The following TP53BP1 variants were observed in gnomAD, a reference collection of about 807,000 sequenced individuals.
The protein encoded by TP53BP1 is tumor protein p53 binding protein 1, also known as TP53-binding protein 1.
Under a neutral mutation model 200.8 loss-of-function variants are expected in TP53BP1, and 61 were observed. The observed-to-expected ratio is 0.30, with a 90% confidence interval of 0.25 to 0.38. The LOEUF is 0.38. Ranked by LOEUF, TP53BP1 falls within the 10% of genes least tolerant of loss-of-function variation. TP53BP1 has a pLI of 1.00. For synonymous variants in TP53BP1, 822 were observed against 844.3 expected, an observed-to-expected ratio of 0.97 and a Z score of 0.46; for missense variants, 2,144 against 2,371.9, an observed-to-expected ratio of 0.90 and a Z score of 2.00.
At position 43,481,956 on chromosome 15, in the gene TP53BP1, G is replaced by A. The variant is rs369097049; in HGVS notation, c.372-934C>T. Among the ~76,000 whole-genome samples the A allele has an allele frequency of 2.1e-3, 320 of 150,370 alleles. 2 individuals are homozygous for A. The highest frequency in any genetic ancestry group is 7.2e-3 in the African/African-American group (297 of 41,072). On this transcript the variant is annotated intron_variant, in intron 4 of 27. Coordinates refer to ENST00000382044, the MANE Select transcript of TP53BP1 (RefSeq NM_001141980.3). The stretch of plus-strand genomic sequence containing the variant: ...AAATAAGTTAACACCGACCAGGCAC[G>A]GTGGCTCACGCCTGTAATCCCAGCA...
chr15:43,464,646 G>A (rs1028603453), intron 11 of TP53BP1, among the ~76,000 whole-genome samples: 1 of 152,142 alleles, frequency 6.6e-6, no homozygotes, highest in Admixed American at 6.5e-5. Flanking sequence ...GCTCATGCCT[G>A]TAATCCCAGC....
At chr15:43,486,389 CAAAT>C (rs922928863) in intron 4 of TP53BP1, among the ~76,000 whole-genome samples, 9 of 151,940 alleles carry the variant, frequency 5.9e-5, no homozygotes, top group Admixed American at 3.3e-4. Flanking sequence ...ATAAAACAAA[CAAAT>C]AAACAAAAAT....
In TP53BP1 at chr15:43,435,610, G is replaced by A. The variant is rs574723995; in HGVS notation, c.3191+2714C>T. 1.5e-4 allele frequency among the ~76,000 whole-genome samples: 23 copies of A among 152,080 alleles called. No individual in the cohort carries two copies. In the East Asian group the frequency reaches 4.4e-3, roughly 29 times the overall value. On this transcript the variant is annotated intron_variant, in intron 16 of 27. Transcript: ENST00000382044. ...CAACAAGCTCACACTTATTCAGAATGCCCATTTAATGCACTGACATATTTA... is the reference window on the plus strand; with the variant it reads ...CAACAAGCTCACACTTATTCAGAATACCCATTTAATGCACTGACATATTTA...
In TP53BP1 at chr15:43,415,816, C is replaced by T. The variant is rs1265621825; in HGVS notation, c.4874-7G>A. 14 of 1,612,590 alleles carry T rather than the reference C, an allele frequency of 8.7e-6. No homozygotes were observed. Among genetic ancestry groups the T allele is most frequent in the Admixed American group, 3.3e-5 (2 of 59,966 alleles). ...TTCCCTTCCACCAAATTGTCTATGG[C>T]AGGATAAGCCAAACAGGTTGGTCAA... On this transcript the variant is annotated splice_polypyrimidine_tract_variant and splice_region_variant and intron_variant, in intron 22 of 27. Coordinates refer to ENST00000382044, the MANE Select transcript of TP53BP1 (RefSeq NM_001141980.3).
chr15:43,469,391 C>T (rs1274683533), intron 11 of TP53BP1, among the ~76,000 whole-genome samples: 1 of 151,954 alleles, frequency 6.6e-6, no homozygotes, highest in Non-Finnish European at 1.5e-5. Flanking sequence ...ATTATTACGA[C>T]ACAACATTAA....
intron 7 of TP53BP1, among the ~76,000 whole-genome samples, chr15:43,478,720 G>T (rs990525886): frequency 6.6e-6 from 1 of 152,162 alleles, no homozygotes; most frequent in East Asian, 1.9e-4. Flanking sequence ...GGATACCTAA[G>T]AACCCAAAGC....
intron 11 of TP53BP1, among the ~76,000 whole-genome samples, chr15:43,467,711 T>C (rs1381877495): frequency 2.6e-5 from 4 of 152,102 alleles, no homozygotes; most frequent in Non-Finnish European, 4.4e-5. Context: ...TAAACATCTG[T>C]AACCATTTTC....
In TP53BP1 at chr15:43,457,614, G is replaced by GT. The variant is rs527526263; in HGVS notation, c.1390-397dup. Among the ~76,000 whole-genome samples the GT allele has an allele frequency of 1.1e-3, 138 of 122,838 alleles. 2 individuals are homozygous for GT. The highest frequency in any genetic ancestry group is 8.7e-3 in the East Asian group (32 of 3,696). 80.6% of individuals were successfully genotyped at this position (122,838 alleles called of 152,430 possible). ...TTGAACCTTGGAGGCGGAGGTTGCA[G>GT]TAAGCCGAGATTGCACCACTGCACT... On this transcript the variant is annotated intron_variant, in intron 11 of 27. Transcript: ENST00000382044.
intron 10 of TP53BP1, among the ~76,000 whole-genome samples, chr15:43,471,471 G>A (rs1005753453): frequency 7.9e-5 from 12 of 151,788 alleles, no homozygotes; most frequent in African/African-American, 2.9e-4. Context: ...CTGTTGTCCA[G>A]GCTGCGACGC....
In TP53BP1 at chr15:43,474,616, GAA is replaced by G; in HGVS notation, c.1180+55_1180+56del. ...AAGAAGTAGTACATTTTGCAAGGCA[GAA>G]AAAGTGTTGCTCCTCTTCTAATCTG... On this transcript the variant is annotated intron_variant, in intron 10 of 27. Coordinates refer to ENST00000382044, the MANE Select transcript of TP53BP1 (RefSeq NM_001141980.3). 3 of 1,267,736 alleles carry G rather than the reference GAA, an allele frequency of 2.4e-6. No individual in the cohort carries two copies. The South Asian group carries it at 3.8e-5, about 16-fold the overall frequency. The allele number at this position is 1,267,736 out of a possible 1,614,324, so 78.5% of individuals were successfully genotyped here. A position where few individuals can be genotyped will look rare whatever the true frequency, so the allele number is the denominator to read the frequency against.
chr15:43,491,223 G>A (rs1439279733), intron 4 of TP53BP1, among the ~76,000 whole-genome samples: 1 of 152,022 alleles, frequency 6.6e-6, no homozygotes, highest in Non-Finnish European at 1.5e-5. Context: ...TGGGATTACA[G>A]GCACGCACCA....
At chr15:43,407,793 T>C in intron 27 of TP53BP1, 150 bp downstream of exon 27, 3 of 850,856 alleles carry the variant, frequency 3.5e-6, no homozygotes, top group Non-Finnish European at 5.5e-6. Context: ...TCACTTATGT[T>C]GACTCACCTC....
intron 11 of TP53BP1, among the ~76,000 whole-genome samples, chr15:43,461,937 G>A (rs781159235): frequency 4.6e-5 from 7 of 150,958 alleles, no homozygotes; most frequent in Non-Finnish European, 7.4e-5. Flanking sequence ...CCCAAAGCTG[G>A]GATTACAAGC....
At chr15:43,451,860 C>G (rs969150388) in intron 12 of TP53BP1, among the ~76,000 whole-genome samples, 4 of 152,212 alleles carry the variant, frequency 2.6e-5, no homozygotes, top group Non-Finnish European at 5.9e-5. Flanking sequence ...TTTGGCCAGG[C>G]CCAGTGGCTC....
intron 26 of TP53BP1, 175 bp downstream of exon 26, chr15:43,408,722 A>C: frequency 1.6e-6 from 1 of 634,358 alleles, no homozygotes; most frequent in Admixed American, 2.9e-5. Context: ...TTCCTAGCCA[A>C]TGTAACCTAG....
At chr15:43,494,999 G>C (rs951146083), upstream of TP53BP1, among the ~76,000 whole-genome samples, 2 of 150,938 alleles carry the variant, frequency 1.3e-5, no homozygotes, top group African/African-American at 4.9e-5. Context: ...GACCAGCCTG[G>C]GCAACATGGC....
chr15:43,418,163 GAGCAA>G (rs1357887133), intron 21 of TP53BP1, among the ~76,000 whole-genome samples: 1 of 135,112 alleles, frequency 7.4e-6, no homozygotes, highest in East Asian at 2.2e-4. Flanking sequence ...CTGGGCGACA[GAGCAA>G]GGCTCTGTTT....
Position 43,447,377 on chromosome 15 carries a change from C to A in TP53BP1, c.2825G>T (p.Ser942Ile). The A allele has an allele frequency of 6.3e-7, 1 of 1,598,986 alleles. No individual in the cohort carries two copies. The highest frequency in any genetic ancestry group is 8.5e-7 in the Non-Finnish European group (1 of 1,176,548). ...TTTTATTCACTCACCAATAGGAGTA[C>A]TGTGTCTCTTGGGCTCCAATTTTAG... The part of the protein sequence containing the change: ...GHLKLEPKRH[S>I]TPIGISNYPE... The change falls in exon 13 of 28, where the codon AGT becomes ATT. Residue 942 changes from serine (S) to isoleucine (I), a missense_variant. Around this residue, in one of 4 missense-constraint regions of TP53BP1, gnomAD observed 1,700 missense variants for 1,710.3 expected, o/e 0.99. Transcript: ENST00000382044.
intron 10 of TP53BP1, among the ~76,000 whole-genome samples, chr15:43,472,163 T>C (rs941396869): frequency 1.3e-5 from 2 of 152,210 alleles, no homozygotes; most frequent in Non-Finnish European, 2.9e-5. Flanking sequence ...CTACATCTCA[T>C]TAGTTGAAAA....
Sources: gnomAD v4.1 joint callset for allele counts (sites outside exome capture counted in the v4.1 genomes callset) on GRCh38, gnomAD v4.1.1 for gene constraint, gnomAD v4.1.1 regional missense constraint, MANE v1.5 for transcripts, NCBI Gene and HGNC (gene_info 2026-07-23, HGNC 2026-07-21) for gene names.